Variants in MGAT4C observed in about 807,000 individuals in gnomAD.
The protein encoded by MGAT4C is MGAT4 family member C.
In MGAT4C, 19 loss-of-function variants were observed where a neutral mutation model predicts 40.1. The observed-to-expected ratio is 0.47, with a 90% confidence interval of 0.33 to 0.70. MGAT4C has a LOEUF of 0.70. Among genes scored for constraint, MGAT4C ranks in the 30% least tolerant of loss-of-function variants. MGAT4C has a pLI of 0.02. For synonymous variants in MGAT4C, 181 were observed against 187.1 expected (o/e 0.97, Z 0.27); for missense variants, 491 against 563.2 (o/e 0.87, Z 1.30).
chr12:86,585,532 T>C (rs372867748), intron 2 of MGAT4C, among the ~76,000 whole-genome samples: 1 of 151,452 alleles, frequency 6.6e-6, no homozygotes, highest in East Asian at 1.9e-4. Context: ...GAAAATGTTA[T>C]TGATGGCTAT....
intron 1 of MGAT4C, among the ~76,000 whole-genome samples, chr12:86,250,546 T>C (rs1416141291): frequency 6.6e-6 from 1 of 152,008 alleles, no homozygotes; most frequent in African/African-American, 2.4e-5. Flanking sequence ...ATCAGACAAA[T>C]AAAACTTTCA....
chr12:86,427,891 G>A (rs1159232708), intron 3 of MGAT4C, among the ~76,000 whole-genome samples: 4 of 152,048 alleles, frequency 2.6e-5, no homozygotes, highest in Non-Finnish European at 5.9e-5. Flanking sequence ...TTGGTGGCAG[G>A]TGCCTGTAGT....
At chr12:86,499,538 G>A (rs998736647) in intron 2 of MGAT4C, among the ~76,000 whole-genome samples, 7 of 151,604 alleles carry the variant, frequency 4.6e-5, no homozygotes, top group African/African-American at 7.3e-5. Context: ...ACTCTCAATC[G>A]TCTCTTTTTT....
chr12:86,595,815 T>C (rs983013436), intron 2 of MGAT4C, among the ~76,000 whole-genome samples: 3 of 152,200 alleles, frequency 2.0e-5, no homozygotes, highest in African/African-American at 7.2e-5. Context: ...CTTAGACTTA[T>C]TGGTGGGCCT....
At chr12:86,155,672 T>A (rs1593094422) in intron 1 of MGAT4C, among the ~76,000 whole-genome samples, 1 of 152,304 alleles carries the variant, frequency 6.6e-6, no homozygotes, top group East Asian at 1.9e-4. Context: ...GATTGCCAAC[T>A]GGAAATATCA....
chr12:86,163,161 A>C (rs1450161289), intron 1 of MGAT4C, among the ~76,000 whole-genome samples: 1 of 152,002 alleles, frequency 6.6e-6, no homozygotes, highest in East Asian at 1.9e-4. Flanking sequence ...CACTTTTCTC[A>C]TGATATTGAC....
intron 1 of MGAT4C, among the ~76,000 whole-genome samples, chr12:86,250,935 A>G (rs770993255): frequency 6.6e-6 from 1 of 152,044 alleles, no homozygotes; most frequent in Non-Finnish European, 1.5e-5. Context: ...GCAATTTTTA[A>G]TGAAACTCCT....
rs190757210 is a variant in MGAT4C at position 86,407,286 on chromosome 12, G to C, written c.-120+27871C>G. On this transcript the variant is annotated intron_variant, in intron 3 of 7. Transcript: ENST00000548651. ...AGAATTGAGTATCCTTATCAACACTGTTTTCACAGAATATATAATCAAGCA... is the reference window on the plus strand; with the variant it reads ...AGAATTGAGTATCCTTATCAACACTCTTTTCACAGAATATATAATCAAGCA... Among the ~76,000 whole-genome samples, 122 of 152,028 alleles carry C rather than the reference G, an allele frequency of 8.0e-4. 1 individual carries two copies. The highest frequency in any genetic ancestry group is 2.8e-3 in the African/African-American group (116 of 41,508).
intron 3 of MGAT4C, among the ~76,000 whole-genome samples, chr12:86,434,265 A>C (rs1592843361): frequency 6.6e-6 from 1 of 152,006 alleles, no homozygotes; most frequent in Admixed American, 6.6e-5. Flanking sequence ...TTGTTTTCTG[A>C]ACTAAAGTTT....
chr12:86,730,500 G>A (rs913293103), intron 1 of MGAT4C, among the ~76,000 whole-genome samples: 3 of 152,026 alleles, frequency 2.0e-5, no homozygotes, highest in Non-Finnish European at 4.4e-5. Flanking sequence ...CAGCGTACTT[G>A]TAGGATAAAA....
chr12:86,419,076 T>C (rs960124526), intron 3 of MGAT4C, among the ~76,000 whole-genome samples: 3 of 152,114 alleles, frequency 2.0e-5, no homozygotes, highest in African/African-American at 7.2e-5. Context: ...ATTTCATCTA[T>C]ATAGTGTGTT....
chr12:86,520,169 T>G (rs942332055), intron 2 of MGAT4C, among the ~76,000 whole-genome samples: 5 of 152,138 alleles, frequency 3.3e-5, no homozygotes, highest in Non-Finnish European at 5.9e-5. Flanking sequence ...ACTCATGTAT[T>G]AAGCCTGGTT....
intron 4 of MGAT4C, among the ~76,000 whole-genome samples, chr12:86,329,148 A>C (rs935391344): frequency 7.9e-5 from 12 of 151,182 alleles, no homozygotes; most frequent in African/African-American, 2.9e-4. Context: ...AAATAAATAA[A>C]ATAGAACAAG....
intron 1 of MGAT4C, among the ~76,000 whole-genome samples, chr12:86,119,722 C>CTTTTTT (rs11306440): frequency 8.2e-6 from 1 of 122,190 alleles, no homozygotes. Context: ...TCCCACCATT[C>CTTTTTT]TTTTTTTTTT....
At chr12:86,630,273 C>CA (rs1962985454) in intron 2 of MGAT4C, among the ~76,000 whole-genome samples, 1 of 151,960 alleles carries the variant, frequency 6.6e-6, no homozygotes, top group Non-Finnish European at 1.5e-5. Flanking sequence ...AGCCTACCAA[C>CA]CAAAAAAAGT....
chr12:86,183,932 C>T (rs1164782688), intron 1 of MGAT4C, among the ~76,000 whole-genome samples: 1 of 151,948 alleles, frequency 6.6e-6, no homozygotes, highest in Non-Finnish European at 1.5e-5. Context: ...GACAAAATTC[C>T]ACATATATCA....
intron 1 of MGAT4C, among the ~76,000 whole-genome samples, chr12:86,090,401 T>G (rs1386216244): frequency 6.6e-6 from 1 of 151,810 alleles, no homozygotes; most frequent in Non-Finnish European, 1.5e-5. Context: ...GAGCAGGTCT[T>G]CTAGTAATTA....
intron 1 of MGAT4C, among the ~76,000 whole-genome samples, chr12:86,184,031 T>C (rs1412653882): frequency 1.3e-5 from 2 of 152,184 alleles, no homozygotes; most frequent in African/African-American, 2.4e-5. Context: ...TATATTCATA[T>C]ACAGATCACA....
chr12:86,199,717 G>C (rs184463348), intron 1 of MGAT4C, among the ~76,000 whole-genome samples: 1 of 152,180 alleles, frequency 6.6e-6, no homozygotes, highest in Admixed American at 6.5e-5. Context: ...AATGCTTAGT[G>C]AAGTACATAA....
Sources: gnomAD v4.1 joint callset for allele counts (sites outside exome capture counted in the v4.1 genomes callset) on GRCh38, gnomAD v4.1.1 for gene constraint, MANE v1.5 for transcripts, NCBI Gene and HGNC (gene_info 2026-07-23, HGNC 2026-07-21) for gene names.